Variants in JAKMIP1 observed in about 807,000 individuals in gnomAD.
JAKMIP1 encodes janus kinase and microtubule-interacting protein 1.
JAKMIP1 carries 33 observed loss-of-function variants against 113.0 expected under a neutral mutation model. The observed-to-expected ratio is 0.29, with a 90% confidence interval of 0.22 to 0.39. The LOEUF (loss-of-function observed/expected upper bound fraction) is 0.39, where lower values mean the gene tolerates loss of function less well. Ranked by LOEUF, JAKMIP1 falls within the 10% of genes least tolerant of loss-of-function variation. The pLI, the probability that JAKMIP1 is intolerant of heterozygous loss-of-function variation, is 1.00. For missense variants in JAKMIP1, 813 were observed against 1,080.5 expected, an observed-to-expected ratio of 0.75 and a Z score of 3.47; for synonymous variants, 480 against 459.9, an observed-to-expected ratio of 1.04 and a Z score of -0.56.
intron 1 of JAKMIP1, among the ~76,000 whole-genome samples, chr4:6,195,082 C>G (rs556229761): frequency 3.2e-4 from 48 of 152,298 alleles, no homozygotes; most frequent in African/African-American, 1.1e-3. Flanking sequence ...TGGGGTGATC[C>G]CCATTTCCCA....
intron 2 of JAKMIP1, among the ~76,000 whole-genome samples, chr4:6,111,730 C>T (rs1714966106): frequency 1.3e-5 from 2 of 152,200 alleles, no homozygotes; most frequent in Non-Finnish European, 2.9e-5. Context: ...ACTGCCAGCA[C>T]CCAACCAGGC....
chr4:6,152,658 C>G (rs571732662), intron 1 of JAKMIP1, among the ~76,000 whole-genome samples: 94 of 152,172 alleles, frequency 6.2e-4, no homozygotes, highest in African/African-American at 2.2e-3. Context: ...AGTGGGCATC[C>G]TGGCCGAGTG....
chr4:6,156,208 G>A lies in JAKMIP1; in HGVS notation c.-147-43211C>T, dbSNP rs1023745769. ...CCGGCACAGAGCCAGCCAGCCACGC[G>A]CAAAGCCAGCCCTCGGAAGTGGCCC... On this transcript the variant is annotated intron_variant, in intron 1 of 20. Transcript: ENST00000409021. This position sits in a 1 kb window ranked among gnomAD's most constrained non-coding sequence, Gnocchi z 5.0. Among the ~76,000 whole-genome samples, 14 of 152,210 alleles carry A rather than the reference G, an allele frequency of 9.2e-5. No individual in the cohort carries two copies. The highest frequency in any genetic ancestry group is 5.2e-4 in the Admixed American group (8 of 15,276).
At position 6,097,497 on chromosome 4, in the gene JAKMIP1, C is replaced by T. The variant is rs1448079188; in HGVS notation, c.624+7976G>A. ...TTTCCCCTTGGGTATGCTAAATACA[C>T]TGCGTTGTACACCTGCATTTTGACT... On this transcript the variant is annotated intron_variant, in intron 3 of 20. Transcript: ENST00000409021. This position sits in a 1 kb window ranked among gnomAD's most constrained non-coding sequence, Gnocchi z 4.3. Among the ~76,000 whole-genome samples, 1 of 152,174 alleles carries T rather than the reference C, an allele frequency of 6.6e-6. No individual in the cohort carries two copies. The highest frequency in any genetic ancestry group is 1.5e-5 in the Non-Finnish European group (1 of 68,024).
chr4:6,105,411 C>T (rs1713735204), intron 3 of JAKMIP1, 62 bp downstream of exon 3: 1 of 1,468,270 alleles, frequency 6.8e-7, no homozygotes, highest in Admixed American at 2.1e-5. Context: ...CTCCGCATTT[C>T]CCCCATGCGT....
chr4:6,080,829 G>C lies in JAKMIP1; in HGVS notation c.1102-517C>G, dbSNP rs1003832257. On this transcript the variant is annotated intron_variant, in intron 6 of 20. Transcript: ENST00000409021. The surrounding 1 kb of genome is among the most constrained non-coding windows in gnomAD (Gnocchi z 6.0). ...TGTCCTGTGCTGGAAGAGGGGACAGGGCAGACCAAAGCCAAGCCCAAGGTG... is the reference window on the plus strand; with the variant it reads ...TGTCCTGTGCTGGAAGAGGGGACAGCGCAGACCAAAGCCAAGCCCAAGGTG... Among the ~76,000 whole-genome samples the C allele has an allele frequency of 2.0e-5, 3 of 152,110 alleles. No individual in the cohort carries two copies. In the East Asian group the frequency reaches 5.8e-4, roughly 29 times the overall value.
chr4:6,130,091 T>G (rs1042369664), intron 1 of JAKMIP1, among the ~76,000 whole-genome samples: 2 of 152,136 alleles, frequency 1.3e-5, no homozygotes, highest in Admixed American at 6.5e-5. Flanking sequence ...CCCAGAAAGA[T>G]CAGAGAAACT....
Position 6,089,873 on chromosome 4 carries a change from T to C in JAKMIP1, c.625-4244A>G, listed in dbSNP as rs1578202149. Among the ~76,000 whole-genome samples, 1 of 152,120 alleles carries C rather than the reference T, an allele frequency of 6.6e-6. No individual in the cohort carries two copies. Among genetic ancestry groups the C allele is most frequent in the Non-Finnish European group, 1.5e-5 (1 of 68,026 alleles). On this transcript the variant is annotated intron_variant, in intron 3 of 20. Coordinates refer to ENST00000409021, the MANE Select transcript of JAKMIP1 (RefSeq NM_001099433.2). The surrounding 1 kb of genome is among the most constrained non-coding windows in gnomAD (Gnocchi z 5.3). ...TACTTCGAAATAGGGCCTTTGCAGA[T>C]GAAATGAAGATGCAAATTAAGATGA...
intron 8 of JAKMIP1, among the ~76,000 whole-genome samples, chr4:6,074,974 T>A (rs1046526920): frequency 3.3e-5 from 5 of 152,176 alleles, no homozygotes; most frequent in African/African-American, 1.2e-4. Context: ...CTTCATGATG[T>A]TTGCATGACA....
Position 6,138,917 on chromosome 4 carries a change from C to A in JAKMIP1, c.-147-25920G>T, listed in dbSNP as rs79144658. On this transcript the variant is annotated intron_variant, in intron 1 of 20. Coordinates refer to ENST00000409021, the MANE Select transcript of JAKMIP1 (RefSeq NM_001099433.2). This position sits in a 1 kb window ranked among gnomAD's most constrained non-coding sequence, Gnocchi z 6.0. Reference sequence around the variant, plus strand: ...CCAGTTGGGCGCTAAGCAACTACTGCTTACTGCCTTGATTCCTGGGCTTAC... The same window carrying A: ...CCAGTTGGGCGCTAAGCAACTACTGATTACTGCCTTGATTCCTGGGCTTAC... 2.2e-3 allele frequency among the ~76,000 whole-genome samples: 329 copies of A among 152,316 alleles called. 1 individual carries two copies. The highest frequency in any genetic ancestry group is 7.4e-3 in the African/African-American group (309 of 41,548).
chr4:6,049,242 G>C lies in JAKMIP1; in HGVS notation c.1963-320C>G, dbSNP rs1715362405. ...GCAGAGACAGGGTTTCGCCATGTTGGCCAGGCTGGTCTCGAACTCCTGACC... is the reference window on the plus strand; with the variant it reads ...GCAGAGACAGGGTTTCGCCATGTTGCCCAGGCTGGTCTCGAACTCCTGACC... On this transcript the variant is annotated intron_variant, in intron 15 of 20. Transcript: ENST00000409021. This position sits in a 1 kb window ranked among gnomAD's most constrained non-coding sequence, Gnocchi z 7.0. Among the ~76,000 whole-genome samples the C allele has an allele frequency of 6.6e-6, 1 of 152,158 alleles. No individual in the cohort carries two copies. Among genetic ancestry groups the C allele is most frequent in the African/African-American group, 2.4e-5 (1 of 41,432 alleles).
In JAKMIP1 at chr4:6,097,330, T is replaced by A. The variant is rs1252108780; in HGVS notation, c.624+8143A>T. ...GAATTTATATGCTACCAATAAGTAATCACTTCTTACACTTATTCACACATA... is the reference window on the plus strand; with the variant it reads ...GAATTTATATGCTACCAATAAGTAAACACTTCTTACACTTATTCACACATA... On this transcript the variant is annotated intron_variant, in intron 3 of 20. Transcript: ENST00000409021. This position sits in a 1 kb window ranked among gnomAD's most constrained non-coding sequence, Gnocchi z 4.3. Among the ~76,000 whole-genome samples, 1 of 152,208 alleles carries A rather than the reference T, an allele frequency of 6.6e-6. No individual in the cohort carries two copies.
At chr4:6,060,831 G>C (rs546340918) in intron 10 of JAKMIP1, among the ~76,000 whole-genome samples, 1 of 152,368 alleles carries the variant, frequency 6.6e-6, no homozygotes, top group East Asian at 1.9e-4. Flanking sequence ...CCACACTGGG[G>C]GCCCAGGCCC....
At chr4:6,084,719 A>G (rs1051037134) in intron 5 of JAKMIP1, 127 bp downstream of exon 5, 1 of 980,402 alleles carries the variant, frequency 1.0e-6, no homozygotes. Context: ...ATCGAAAAGA[A>G]GTAAGAAGGA....
At chr4:6,145,011 A>C (rs1459753636) in intron 1 of JAKMIP1, among the ~76,000 whole-genome samples, 2 of 152,252 alleles carry the variant, frequency 1.3e-5, no homozygotes, top group African/African-American at 2.4e-5. Context: ...ATTAGAACTA[A>C]TAAACAATTT....
intron 2 of JAKMIP1, among the ~76,000 whole-genome samples, chr4:6,109,824 T>C (rs1714624825): frequency 2.0e-5 from 3 of 152,290 alleles, no homozygotes; most frequent in Admixed American, 6.5e-5. Flanking sequence ...TTCAATGCAA[T>C]TGTAAAGTTT....
intron 10 of JAKMIP1, among the ~76,000 whole-genome samples, 176 bp downstream of exon 10, chr4:6,062,136 G>A (rs979975677): frequency 1.3e-5 from 2 of 152,344 alleles, no homozygotes; most frequent in Non-Finnish European, 2.9e-5. Flanking sequence ...CCATCACACC[G>A]AGGATGCAGA....
In JAKMIP1 at chr4:6,080,721, T is replaced by C. The variant is rs1260112918; in HGVS notation, c.1102-409A>G. On this transcript the variant is annotated intron_variant, in intron 6 of 20. Coordinates refer to ENST00000409021, the MANE Select transcript of JAKMIP1 (RefSeq NM_001099433.2). This position sits in a 1 kb window ranked among gnomAD's most constrained non-coding sequence, Gnocchi z 6.0. Reference sequence around the variant, plus strand: ...CAGCCACGTGAAACTGTGAGTCCATTAAACCTCTTTTTCTTTACAAATTAC... The same window carrying C: ...CAGCCACGTGAAACTGTGAGTCCATCAAACCTCTTTTTCTTTACAAATTAC... Among the ~76,000 whole-genome samples, 1 of 152,096 alleles carries C rather than the reference T, an allele frequency of 6.6e-6. No individual in the cohort carries two copies. The highest frequency in any genetic ancestry group is 2.4e-5 in the African/African-American group (1 of 41,378).
intron 1 of JAKMIP1, among the ~76,000 whole-genome samples, chr4:6,144,431 G>C (rs907460048): frequency 6.6e-5 from 10 of 152,168 alleles, no homozygotes; most frequent in Non-Finnish European, 1.5e-5. Context: ...GATATCATAT[G>C]AAAACTACAG....
Sources: gnomAD v4.1 joint callset for allele counts (sites outside exome capture counted in the v4.1 genomes callset) on GRCh38, gnomAD v4.1.1 for gene constraint, Gnocchi (gnomAD v3.1) non-coding constraint, MANE v1.5 for transcripts, NCBI Gene and HGNC (gene_info 2026-07-23, HGNC 2026-07-21) for gene names.